Variants in PCDHA7 observed in about 807,000 individuals in gnomAD.
The protein encoded by PCDHA7 is protocadherin alpha 7.
PCDHA7 carries 37 observed loss-of-function variants against 57.2 expected under a neutral mutation model. The ratio of observed to expected loss-of-function variants is 0.65; its 90% CI spans 0.50 to 0.85. The LOEUF (loss-of-function observed/expected upper bound fraction) is 0.85, where lower values mean the gene tolerates loss of function less well. Among genes scored for constraint, PCDHA7 ranks in the 40% least tolerant of loss-of-function variants. The pLI, the probability that PCDHA7 is intolerant of heterozygous loss-of-function variation, is 0.00. For missense variants in PCDHA7, 1,188 were observed against 1,241.8 expected, an observed-to-expected ratio of 0.96 and a Z score of 0.65; for synonymous variants, 553 against 558.8, an observed-to-expected ratio of 0.99 and a Z score of 0.15.
At chr5:140,927,782 C>T (rs550993125) in intron 1 of PCDHA7, 50 of 1,614,098 alleles carry the variant, frequency 3.1e-5, no homozygotes, top group South Asian at 2.2e-4. Context: ...CAAGTAGCTG[C>T]TTCACTAGGT....
intron 1 of PCDHA7, among the ~76,000 whole-genome samples, chr5:140,924,900 AAAAAATAAAAT>A (rs2082119593): frequency 1.6e-5 from 1 of 63,328 alleles, no homozygotes; most frequent in African/African-American, 5.4e-5. Context: ...GTCTCAAAAA[AAAAAATAAAAT>A]AAAATAAAAT....
intron 1 of PCDHA7, among the ~76,000 whole-genome samples, chr5:140,904,727 A>G (rs953402398): frequency 7.2e-5 from 11 of 151,992 alleles, no homozygotes; most frequent in African/African-American, 2.4e-4. Flanking sequence ...GCCAACATCT[A>G]TTATTTTTTT....
At chr5:141,007,638 T>G (rs1393056593) in intron 3 of PCDHA7, among the ~76,000 whole-genome samples, 7 of 152,128 alleles carry the variant, frequency 4.6e-5, no homozygotes, top group African/African-American at 1.7e-4. Context: ...GCCCTCCCTG[T>G]ATTTGCCTAA....
intron 1 of PCDHA7, among the ~76,000 whole-genome samples, chr5:140,886,084 G>C (rs1554182347): frequency 6.6e-6 from 1 of 152,140 alleles, no homozygotes; most frequent in East Asian, 1.9e-4. Flanking sequence ...CCACAACCTG[G>C]ATATTGACAT....
intron 1 of PCDHA7, among the ~76,000 whole-genome samples, chr5:140,947,763 A>C (rs1392881813): frequency 1.3e-5 from 2 of 151,658 alleles, no homozygotes; most frequent in Non-Finnish European, 3.0e-5. Context: ...TGGTTTAAAA[A>C]ATTCTATTGT....
At chr5:140,904,164 T>C (rs1475689291) in intron 1 of PCDHA7, among the ~76,000 whole-genome samples, 1 of 152,078 alleles carries the variant, frequency 6.6e-6, no homozygotes, top group Non-Finnish European at 1.5e-5. Flanking sequence ...CAGTTTGTAG[T>C]CTTTTATTCC....
chr5:140,904,685 G>A (rs2071317723), intron 1 of PCDHA7, among the ~76,000 whole-genome samples: 1 of 152,104 alleles, frequency 6.6e-6, no homozygotes, highest in African/African-American at 2.4e-5. Context: ...CCCACCAGCA[G>A]TGTAAAATTG....
intron 1 of PCDHA7, chr5:140,854,630 AG>A (rs1201731604): frequency 6.7e-6 from 1 of 150,240 alleles, no homozygotes; most frequent in African/African-American, 2.4e-5. Flanking sequence ...TCTTTAGAAA[AG>A]TCAAAACATC....
Position 140,834,565 on chromosome 5 carries a change from C to A in PCDHA7, c.182C>A (p.Pro61Gln), listed in dbSNP as rs376907347. 4 of 1,613,968 alleles carry A rather than the reference C, an allele frequency of 2.5e-6. No homozygotes were observed. In the South Asian group the frequency reaches 3.3e-5, roughly 13 times the overall value. The change falls in exon 1 of 4, where the codon CCG (proline) becomes CAG (glutamine). Residue 61 changes from proline (P) to glutamine (Q), a missense_variant. By Grantham distance (76) the Pro-to-Gln change is moderately conservative. Around this residue, in one of 3 missense-constraint regions of PCDHA7, gnomAD observed 194 missense variants for 185.8 expected, o/e 1.04. Transcript: ENST00000525929. ...DLGLELAELV[P>Q]RLFRAVCKFR... is the part of the protein sequence containing the mutation. ...GGGCTGGAGCTGGCGGAGCTGGTGC[C>A]GCGCCTGTTCCGGGCGGTGTGCAAA...
At chr5:140,844,146 A>G (rs1056681888) in intron 1 of PCDHA7, among the ~76,000 whole-genome samples, 1 of 149,130 alleles carries the variant, frequency 6.7e-6, no homozygotes, top group Non-Finnish European at 1.5e-5. Flanking sequence ...TTGTCTTTAT[A>G]TTTACTTTTA....
At chr5:140,914,414 C>A (rs1554196336) in intron 1 of PCDHA7, among the ~76,000 whole-genome samples, 1 of 152,038 alleles carries the variant, frequency 6.6e-6, no homozygotes, top group African/African-American at 2.4e-5. Context: ...GTTTTGTTTC[C>A]ATTAGCAAGG....
chr5:140,851,336 A>C, intron 1 of PCDHA7: 1 of 979,180 alleles, frequency 1.0e-6, no homozygotes, highest in Non-Finnish European at 1.2e-6. Context: ...GTAGTTCTCT[A>C]CATTTCTCTG....
At chr5:140,849,773 C>G in intron 1 of PCDHA7, 1 of 1,598,418 alleles carries the variant, frequency 6.3e-7, no homozygotes, top group Non-Finnish European at 8.6e-7. Context: ...TGGTGGTTAC[C>G]GCGCGGGACG....
intron 1 of PCDHA7, among the ~76,000 whole-genome samples, chr5:140,845,914 T>C (rs1554141062): frequency 1.3e-5 from 2 of 149,758 alleles, no homozygotes; most frequent in African/African-American, 2.4e-5. Context: ...ATATTAATCT[T>C]ATTTTTGTGT....
intron 1 of PCDHA7, chr5:140,857,828 C>G (rs781917564): frequency 6.3e-7 from 1 of 1,597,660 alleles, no homozygotes; most frequent in South Asian, 1.1e-5. Flanking sequence ...GGCTAAGGTG[C>G]GCGCAGTGGA....
At chr5:140,852,893 T>C in intron 1 of PCDHA7, 1 of 907,664 alleles carries the variant, frequency 1.1e-6, no homozygotes, top group Non-Finnish European at 1.3e-6. Context: ...GTATTTTTTT[T>C]TTTGAGTCAG....
intron 1 of PCDHA7, chr5:140,877,398 T>C: frequency 1.2e-6 from 2 of 1,613,870 alleles, no homozygotes; most frequent in Middle Eastern, 1.6e-4. Flanking sequence ...AGGCGGACGC[T>C]CCGCGCCACC....
intron 1 of PCDHA7, chr5:140,928,055 C>T (rs1554205406): frequency 8.1e-6 from 13 of 1,614,066 alleles, no homozygotes; most frequent in South Asian, 3.3e-5. Context: ...TTTCAGCTGA[C>T]GGCTTCCTTT....
At position 140,850,679 on chromosome 5, in the gene PCDHA7, C is replaced by G. The variant is rs1439060369; in HGVS notation, c.2355+13941C>G. 22 of 1,598,382 alleles carry G rather than the reference C, an allele frequency of 1.4e-5. 2 individuals are homozygous for G. The highest frequency in any genetic ancestry group is 1.6e-5 in the Non-Finnish European group (19 of 1,167,880). The stretch of plus-strand genomic sequence containing the variant: ...TGCTGCGGTGCTCGGCGATGCCCAC[C>G]GAGGGCGAGTGCGCGCCTGGCAAGC... On this transcript the variant is annotated intron_variant, in intron 1 of 3. Coordinates refer to ENST00000525929, the MANE Select transcript of PCDHA7 (RefSeq NM_018910.3).
Sources: gnomAD v4.1 joint callset for allele counts (sites outside exome capture counted in the v4.1 genomes callset) on GRCh38, gnomAD v4.1.1 for gene constraint, gnomAD v4.1.1 regional missense constraint, MANE v1.5 for transcripts, NCBI Gene and HGNC (gene_info 2026-07-23, HGNC 2026-07-21) for gene names.